Variants in UFL1 observed in about 807,000 individuals in gnomAD.
UFL1 encodes UFM1 specific ligase 1, also known as E3 UFM1-protein ligase 1.
In UFL1, 78 loss-of-function variants were observed where a neutral mutation model predicts 99.3. The observed-to-expected ratio is 0.79, with a 90% CI of 0.65 to 0.95. The LOEUF (loss-of-function observed/expected upper bound fraction) is 0.95, where lower values mean the gene tolerates loss of function less well. Ranked by LOEUF, UFL1 falls within the 40% of genes least tolerant of loss-of-function variation. The pLI is 0.00. For synonymous variants in UFL1, 335 were observed against 322.2 expected, an observed-to-expected ratio of 1.04 and a Z score of -0.42; for missense variants, 936 against 937.0, an observed-to-expected ratio of 1.00 and a Z score of 0.01.
intron 12 of UFL1, among the ~76,000 whole-genome samples, chr6:96,546,083 C>G (rs1371726186): frequency 6.6e-6 from 1 of 151,196 alleles, no homozygotes; most frequent in Non-Finnish European, 1.5e-5. Context: ...CAGATTATCT[C>G]TGTTCTCTGA....
At chr6:96,541,883 G>A (rs1769936348) in intron 11 of UFL1, among the ~76,000 whole-genome samples, 1 of 151,000 alleles carries the variant, frequency 6.6e-6, no homozygotes, top group Non-Finnish European at 1.5e-5. Flanking sequence ...AATATAAAAA[G>A]CATGTTCACT....
intron 12 of UFL1, among the ~76,000 whole-genome samples, chr6:96,544,475 C>T (rs1039740318): frequency 8.6e-5 from 13 of 150,630 alleles, no homozygotes; most frequent in Non-Finnish European, 6.0e-5. Context: ...TCATTACATA[C>T]GGGCTATAGC....
intron 1 of UFL1, among the ~76,000 whole-genome samples, chr6:96,522,614 C>T (rs1769634361): frequency 6.6e-6 from 1 of 152,154 alleles, no homozygotes; most frequent in South Asian, 2.1e-4. Context: ...ACAGCAATCC[C>T]CTTATGCTGT....
chr6:96,528,811 T>C (rs972363750), intron 6 of UFL1, among the ~76,000 whole-genome samples, 179 bp downstream of exon 6: 7 of 152,206 alleles, frequency 4.6e-5, no homozygotes, highest in African/African-American at 1.7e-4. Flanking sequence ...AGTTCTAGAA[T>C]GCAGCCTCTC....
chr6:96,543,177 T>C (rs1769954727), intron 12 of UFL1, among the ~76,000 whole-genome samples, 161 bp downstream of exon 12: 1 of 151,228 alleles, frequency 6.6e-6, no homozygotes. Context: ...TTAAATGTTA[T>C]CAGTCCAGTA....
chr6:96,540,362 G>C (rs1228041572), intron 10 of UFL1, among the ~76,000 whole-genome samples, 173 bp from the exon 11 acceptor site: 1 of 151,430 alleles, frequency 6.6e-6, no homozygotes, highest in East Asian at 1.9e-4. Context: ...CAAGAGAAGA[G>C]ACCTATTTTG....
intron 6 of UFL1, among the ~76,000 whole-genome samples, chr6:96,531,886 G>A (rs1769787767): frequency 1.3e-5 from 2 of 152,162 alleles, no homozygotes; most frequent in African/African-American, 4.8e-5. Flanking sequence ...GCTAGGTTGT[G>A]TGGCTTCCAG....
chr6:96,521,996 G>A, intron 1 of UFL1, 46 bp downstream of exon 1: 1 of 1,579,858 alleles, frequency 6.3e-7, no homozygotes, highest in Non-Finnish European at 8.6e-7. Context: ...TTAGGCCGTG[G>A]GCGGACACGC....
intron 15 of UFL1, 144 bp downstream of exon 15, chr6:96,549,943 C>A: frequency 9.1e-7 from 1 of 1,096,484 alleles, no homozygotes; most frequent in Non-Finnish European, 1.3e-6. Flanking sequence ...TTTTATTCAA[C>A]TTTAGTACTA....
intron 18 of UFL1, 139 bp downstream of exon 18, chr6:96,552,801 G>C (rs1343978989): frequency 2.7e-6 from 2 of 743,214 alleles, no homozygotes; most frequent in Non-Finnish European, 4.1e-6. Flanking sequence ...GTGAACAGTG[G>C]ATTAGGAGAT....
rs531626784 is a variant in UFL1, at chr6:96,532,975, A to G, written c.597-1288A>G. Among the ~76,000 whole-genome samples, 12 of 152,292 alleles carry G rather than the reference A, an allele frequency of 7.9e-5. No individual in the cohort carries two copies. In the South Asian group the frequency reaches 8.3e-4, roughly 11 times the overall value. On this transcript the variant is annotated intron_variant, in intron 6 of 18. Coordinates refer to ENST00000369278, the MANE Select transcript of UFL1 (RefSeq NM_015323.5). The stretch of plus-strand genomic sequence containing the variant: ...CACAGAAGTTTTAAATAGTCAATTT[A>G]TTTTCATACAACTGTTTCTGCTTTC...
chr6:96,533,799 CAAAAAA>C (rs5878435), intron 6 of UFL1, among the ~76,000 whole-genome samples: 1 of 113,768 alleles, frequency 8.8e-6, no homozygotes, highest in Non-Finnish European at 1.7e-5. Flanking sequence ...TACTCAAAAG[CAAAAAA>C]AAAAAAAAAA....
At chr6:96,525,947 G>A (rs891737132) in intron 4 of UFL1, among the ~76,000 whole-genome samples, 3 of 151,616 alleles carry the variant, frequency 2.0e-5, no homozygotes, top group African/African-American at 4.9e-5. Context: ...TTAGCCAAAT[G>A]TGGTGGCTCG....
Position 96,534,304 on chromosome 6 carries a change from A to T in UFL1, c.638A>T (p.Gln213Leu), listed in dbSNP as rs1455472609. ...TCTTTGATTTCAAAATATGGATTTC[A>T]GGAGCAGCTTCTTTACTGTGAGTTT... ...VNSLISKYGF[Q>L]EQLLYSVLEE... Residue 213 changes from glutamine to leucine, a missense_variant, in exon 7 of 19, where the codon CAG becomes CTG. By Grantham distance (113) the Gln-to-Leu change is moderately radical. Transcript: ENST00000369278. 1.3e-6 allele frequency: 2 copies of T among 1,582,306 alleles called. No individual in the cohort carries two copies. Among genetic ancestry groups the T allele is most frequent in the Non-Finnish European group, 1.7e-6 (2 of 1,166,514 alleles).
At chr6:96,552,832 T>C (rs2127954028) in intron 18 of UFL1, among the ~76,000 whole-genome samples, 170 bp downstream of exon 18, 1 of 152,240 alleles carries the variant, frequency 6.6e-6, no homozygotes, top group Non-Finnish European at 1.5e-5. Flanking sequence ...AAATTCCACA[T>C]AGCTCAAGAA....
rs1769650687 is a variant in UFL1 at position 96,523,252 on chromosome 6, A to C, written c.184A>C (p.Ile62Leu). 1 of 1,611,702 alleles carries C rather than the reference A, an allele frequency of 6.2e-7. No homozygotes were observed. The highest frequency in any genetic ancestry group is 8.5e-7 in the Non-Finnish European group (1 of 1,178,798). The change falls in exon 2 of 19, where the codon ATT (isoleucine) becomes CTT (leucine). Residue 62 changes from isoleucine to leucine, a missense_variant. Transcript: ENST00000369278. ...AAAGGAATATATTACTCCAGCCCAAATTAGTAAAGAAATGAGAGATGAGCT... is the reference window on the plus strand; with the variant it reads ...AAAGGAATATATTACTCCAGCCCAACTTAGTAAAGAAATGAGAGATGAGCT... Reference protein sequence around the residue: ...DGKEYITPAQISKEMRDELHV... With the variant: ...DGKEYITPAQLSKEMRDELHV...
In UFL1 at chr6:96,554,326, G is replaced by A. The variant is rs1770124921; in HGVS notation, c.*823G>A. On this transcript the variant is annotated 3_prime_UTR_variant, in exon 19 of 19. Transcript: ENST00000369278. ...ATTTTTTTAGTTCAACAGCTGCTCTGTCACATAATACTTTGTAAATACTAG... is the reference window on the plus strand; with the variant it reads ...ATTTTTTTAGTTCAACAGCTGCTCTATCACATAATACTTTGTAAATACTAG... The A allele has an allele frequency of 6.6e-6, 1 of 152,150 alleles. No individual in the cohort carries two copies. The highest frequency in any genetic ancestry group is 1.5e-5 in the Non-Finnish European group (1 of 68,034). The allele number at this position is 152,150 out of a possible 1,614,324, so 9.4% of individuals were successfully genotyped here. A position where few individuals can be genotyped will look rare whatever the true frequency, so the allele number is the denominator to read the frequency against.
At chr6:96,547,839 G>GT (rs1328035663) in intron 12 of UFL1, among the ~76,000 whole-genome samples, 3 of 151,228 alleles carry the variant, frequency 2.0e-5, no homozygotes, top group Admixed American at 1.3e-4. Flanking sequence ...CAGGGCAAGG[G>GT]TTAAAAAAAT....
chr6:96,549,751 T>C lies in UFL1; in HGVS notation c.1770T>C (p.Ala590=), dbSNP rs1372114618. Residue 590 remains alanine, a synonymous_variant, in exon 15 of 19, where the codon GCT becomes GCC. Transcript: ENST00000369278. ...DITNLIFNFL[A]SDLMMAVDDP... ...CTAACCTCATTTTCAACTTCTTAGC[T>C]TCGGATTTAATGATGGCAGTAGACG... is the stretch of plus-strand genomic sequence containing the variant. The C allele has an allele frequency of 6.2e-7, 1 of 1,612,108 alleles. No homozygotes were observed. The highest frequency in any genetic ancestry group is 8.5e-7 in the Non-Finnish European group (1 of 1,178,768).
Sources: gnomAD v4.1 joint callset for allele counts (sites outside exome capture counted in the v4.1 genomes callset) on GRCh38, gnomAD v4.1.1 for gene constraint, MANE v1.5 for transcripts, NCBI Gene and HGNC (gene_info 2026-07-23, HGNC 2026-07-21) for gene names.